Variants in CIMIP5 observed in about 807,000 individuals in gnomAD.
The protein encoded by CIMIP5 is ciliary microtubule inner protein 5, also known as uncharacterized protein C2orf50.
the CIMIP5 span, among the ~76,000 whole-genome samples, chr2:11,147,505 G>T: frequency 3.9e-5 from 6 of 152,186 alleles, no homozygotes; most frequent in African/African-American, 1.4e-4. Flanking sequence ...AGGTCTGCAT[G>T]TAGCTGGGGC....
At chr2:11,135,832 C>T in the CIMIP5 span, among the ~76,000 whole-genome samples, 2 of 151,896 alleles carry the variant, frequency 1.3e-5, no homozygotes, top group Non-Finnish European at 1.5e-5. Flanking sequence ...TGTGAGCCAC[C>T]GTGTTTGACC....
the CIMIP5 span, among the ~76,000 whole-genome samples, chr2:11,147,166 A>G: frequency 1.3e-5 from 2 of 152,180 alleles, no homozygotes; most frequent in African/African-American, 4.8e-5. Flanking sequence ...TGTCTTTTGC[A>G]CGTATTAGAA....
the CIMIP5 span, chr2:11,146,692 C>T: frequency 6.6e-6 from 1 of 152,210 alleles, no homozygotes; most frequent in East Asian, 1.9e-4. Context: ...TGGAGGCCAC[C>T]GCCTTCTTTC....
At chr2:11,140,369 C>A in the CIMIP5 span, 3 of 439,526 alleles carry the variant, frequency 6.8e-6, no homozygotes, top group Non-Finnish European at 1.1e-5. Flanking sequence ...AGTGAGCCTC[C>A]GTCTTAAAAA....
the CIMIP5 span, among the ~76,000 whole-genome samples, chr2:11,150,199 A>G: frequency 3.9e-5 from 6 of 152,124 alleles, no homozygotes; most frequent in Admixed American, 2.0e-4. Context: ...TCAACCTCCC[A>G]AAGTGCTGGG....
the CIMIP5 span, chr2:11,144,054 C>T: frequency 6.2e-7 from 1 of 1,602,834 alleles, no homozygotes; most frequent in South Asian, 1.1e-5. Flanking sequence ...GCATGGACTT[C>T]TTCTTCACAG....
At chr2:11,153,456 A>G in the CIMIP5 span, among the ~76,000 whole-genome samples, 1 of 152,226 alleles carries the variant, frequency 6.6e-6, no homozygotes, top group Non-Finnish European at 1.5e-5. Flanking sequence ...CCCCTGGAAT[A>G]AAGGCTGGGG....
chr2:11,138,508 G>A, the CIMIP5 span, among the ~76,000 whole-genome samples: 1 of 152,352 alleles, frequency 6.6e-6, no homozygotes, highest in Non-Finnish European at 1.5e-5. Context: ...CGATAGATAA[G>A]TTTAAATTTT....
chr2:11,142,010 A>G, the CIMIP5 span, among the ~76,000 whole-genome samples: 1 of 152,060 alleles, frequency 6.6e-6, no homozygotes, highest in Non-Finnish European at 1.5e-5. Context: ...TCACGCCTGT[A>G]ATCTCAACAC....
At chr2:11,133,336 T>C in the CIMIP5 span, 1 of 1,570,122 alleles carries the variant, frequency 6.4e-7, no homozygotes, top group Non-Finnish European at 8.6e-7. Context: ...ACTTGCACCA[T>C]GGGGAGCCAC....
At chr2:11,140,252 G>A in the CIMIP5 span, among the ~76,000 whole-genome samples, 5 of 151,984 alleles carry the variant, frequency 3.3e-5, no homozygotes, top group Admixed American at 1.3e-4. Flanking sequence ...GCGGGTGCCT[G>A]TAGTCCCAGC....
chr2:11,137,444 G>A, the CIMIP5 span, among the ~76,000 whole-genome samples: 1 of 152,142 alleles, frequency 6.6e-6, no homozygotes, highest in African/African-American at 2.4e-5. Context: ...AGACATAACT[G>A]AAGTGAGACT....
the CIMIP5 span, among the ~76,000 whole-genome samples, chr2:11,153,477 AGAG>A: frequency 6.6e-6 from 1 of 152,198 alleles, no homozygotes; most frequent in Admixed American, 6.5e-5. Flanking sequence ...CAGAAGGGGA[AGAG>A]GAGGGAGGGG....
chr2:11,151,914 G>A, the CIMIP5 span, among the ~76,000 whole-genome samples: 8 of 152,242 alleles, frequency 5.3e-5, no homozygotes, highest in East Asian at 1.9e-4. Flanking sequence ...GATTACAGGC[G>A]TGAGCCACCG....
chr2:11,140,587 T>C, the CIMIP5 span: 4 of 1,466,626 alleles, frequency 2.7e-6, no homozygotes, highest in African/African-American at 1.4e-5. Context: ...ATACTTGCAA[T>C]TGAATATTAC....
At chr2:11,142,710 C>G in the CIMIP5 span, among the ~76,000 whole-genome samples, 2 of 140,878 alleles carry the variant, frequency 1.4e-5, no homozygotes, top group Non-Finnish European at 3.0e-5. Flanking sequence ...TCCCACTTGT[C>G]AGATTTTTTT....
At chr2:11,140,684 T>C in the CIMIP5 span, 2 of 579,344 alleles carry the variant, frequency 3.5e-6, no homozygotes, top group South Asian at 4.8e-5. Context: ...AAATACACTC[T>C]TGTTTCAAGG....
chr2:11,146,176 A>C, the CIMIP5 span, among the ~76,000 whole-genome samples: 1 of 152,142 alleles, frequency 6.6e-6, no homozygotes, highest in Non-Finnish European at 1.5e-5. Context: ...GCTAAATGTC[A>C]CTGTTATTTG....
chr2:11,150,935 A>G, the CIMIP5 span, among the ~76,000 whole-genome samples: 1 of 152,128 alleles, frequency 6.6e-6, no homozygotes, highest in East Asian at 1.9e-4. Flanking sequence ...CATCCTGGCA[A>G]TGTAAACTGA....
Sources: allele counts gnomAD v4.1 joint callset (sites outside exome capture counted in the v4.1 genomes callset), GRCh38; gene constraint gnomAD v4.1.1; transcripts MANE v1.5; gene names NCBI Gene and HGNC (gene_info 2026-07-23, HGNC 2026-07-21).